ADAMTS13: variants seen among roughly 807,000 people sequenced by gnomAD.
ADAMTS13 encodes ADAM metallopeptidase with thrombospondin type 1 motif 13.
Under a neutral mutation model 155.1 loss-of-function variants are expected in ADAMTS13, and 110 were observed. The observed-to-expected ratio is 0.71, with a 90% CI of 0.61 to 0.83. The LOEUF (loss-of-function observed/expected upper bound fraction) is 0.83, where lower values mean the gene tolerates loss of function less well. Ranked by LOEUF, ADAMTS13 falls within the 40% of genes least tolerant of loss-of-function variation. The pLI, the probability that ADAMTS13 is intolerant of heterozygous loss-of-function variation, is 0.00. For synonymous variants in ADAMTS13, 758 were observed against 756.4 expected, an observed-to-expected ratio of 1.00 and a Z score of -0.03; for missense variants, 1,707 against 1,891.7, an observed-to-expected ratio of 0.90 and a Z score of 1.81.
Position 133,445,365 on chromosome 9 carries a change from G to C in ADAMTS13, c.2610+313G>C, listed in dbSNP as rs1041764352. Among the ~76,000 whole-genome samples, 1 of 152,192 alleles carries C rather than the reference G, an allele frequency of 6.6e-6. No homozygotes were observed. Among genetic ancestry groups the C allele is most frequent in the African/African-American group, 2.4e-5 (1 of 41,458 alleles). The stretch of plus-strand genomic sequence containing the variant: ...CAGGGGCTGGAGGCTGACTGGCCTT[G>C]CTCTCTGGCCTGGGTGCTGGCAACC... On this transcript the variant is annotated intron_variant, in intron 20 of 28. Coordinates refer to ENST00000355699, the MANE Select transcript of ADAMTS13 (RefSeq NM_139027.6). The surrounding 1 kb of genome is among the most constrained non-coding windows in gnomAD (Gnocchi z 5.0).
At chr9:133,433,574 C>T (rs782235831) in intron 10 of ADAMTS13, 45 bp downstream of exon 10, 1 of 1,613,708 alleles carries the variant, frequency 6.2e-7, no homozygotes, top group Non-Finnish European at 8.5e-7. Flanking sequence ...GTGGCCATAC[C>T]ATAGTCCCTA....
At chr9:133,434,158 G>C (rs1030054834) in intron 11 of ADAMTS13, among the ~76,000 whole-genome samples, 1 of 151,856 alleles carries the variant, frequency 6.6e-6, no homozygotes, top group Non-Finnish European at 1.5e-5. Context: ...CATAAACCAG[G>C]CCAGTCCTGC....
At position 133,429,932 on chromosome 9, in the gene ADAMTS13, G is replaced by T; in HGVS notation, c.825-7G>T. ...CTGAGCCGGGCCTGAGCCGGGCCTTGTCGCAGCGCAGGACGGGCGCGCTGC... is the reference window on the plus strand; with the variant it reads ...CTGAGCCGGGCCTGAGCCGGGCCTTTTCGCAGCGCAGGACGGGCGCGCTGC... On this transcript the variant is annotated splice_polypyrimidine_tract_variant and splice_region_variant and intron_variant, in intron 7 of 28. Transcript: ENST00000355699. The T allele has an allele frequency of 1.3e-6, 2 of 1,534,946 alleles. No homozygotes were observed. The highest frequency in any genetic ancestry group is 1.7e-6 in the Non-Finnish European group (2 of 1,145,558).
Position 133,456,112 on chromosome 9 carries a change from C to T in ADAMTS13, c.3444C>T (p.Asp1148=). 6.2e-7 allele frequency: 1 copy of T among 1,613,368 alleles called. No homozygotes were observed. ...RQHLEPTGTI[D]MRGPGQADCA... is the part of the protein sequence containing the mutation. ...ACCTTGAGCCAACAGGAACCATTGA[C>T]ATGCGAGGCCCAGGGCAGGCAGACT... The change falls in exon 26 of 29, where the codon GAC becomes GAT. Residue 1148 remains aspartate (D), a synonymous_variant. Transcript: ENST00000355699. The surrounding 1 kb of genome is among the most constrained non-coding windows in gnomAD (Gnocchi z 4.4).
chr9:133,443,829 G>A (rs961031283), intron 19 of ADAMTS13, among the ~76,000 whole-genome samples: 5 of 152,092 alleles, frequency 3.3e-5, no homozygotes, highest in African/African-American at 1.2e-4. Context: ...GGGGAGGGGG[G>A]GCTTCGAGGA....
intron 1 of ADAMTS13, chr9:133,415,106 T>C: frequency 1.1e-6 from 1 of 911,728 alleles, no homozygotes. Flanking sequence ...TACACACATA[T>C]ACACCAAACA....
At chr9:133,449,648 C>T (rs1376549745) in intron 22 of ADAMTS13, 135 bp from the exon 23 acceptor site, 9 of 994,514 alleles carry the variant, frequency 9.0e-6, no homozygotes, top group African/African-American at 1.6e-5. Context: ...AAGGGGGCCT[C>T]CAGAAAGAGA....
intron 23 of ADAMTS13, 114 bp downstream of exon 23, chr9:133,450,079 C>T (rs1842340108): frequency 7.5e-7 from 1 of 1,332,980 alleles, no homozygotes. Context: ...AGGAGAACCA[C>T]TTGAGTCCAG....
rs187908753 is a variant in ADAMTS13 at position 133,451,883 on chromosome 9, A to T, written c.3044+1918A>T. Among the ~76,000 whole-genome samples, 9 of 127,068 alleles carry T rather than the reference A, an allele frequency of 7.1e-5. No individual in the cohort carries two copies. The Admixed American group carries it at 7.3e-4, about 10-fold the overall frequency. 83.4% of individuals were successfully genotyped at this position (127,068 alleles called of 152,430 possible). A position where few individuals can be genotyped will look rare whatever the true frequency, so the allele number is the denominator to read the frequency against. On this transcript the variant is annotated intron_variant, in intron 23 of 28. Coordinates refer to ENST00000355699, the MANE Select transcript of ADAMTS13 (RefSeq NM_139027.6). ...GCATGCCAGCCTGGGCAACAGCATG[A>T]GACCCTGTCTCAAAAAAAAAAAAAA...
At chr9:133,430,147 G>A (rs367819139) in intron 8 of ADAMTS13, 46 bp downstream of exon 8, 1 of 1,546,738 alleles carries the variant, frequency 6.5e-7, no homozygotes, top group Non-Finnish European at 8.7e-7. Flanking sequence ...AGGTCCCTCC[G>A]CATCACCCAG....
At chr9:133,455,091 G>A (rs1842661076) in intron 24 of ADAMTS13, among the ~76,000 whole-genome samples, 194 bp from the exon 25 acceptor site, 1 of 152,104 alleles carries the variant, frequency 6.6e-6, no homozygotes, top group Admixed American at 6.5e-5. Context: ...CTTGAATTAT[G>A]GCTCCTCCCA....
intron 8 of ADAMTS13, 68 bp downstream of exon 8, chr9:133,430,169 C>G (rs1564414561): frequency 2.0e-6 from 3 of 1,535,832 alleles, no homozygotes; most frequent in East Asian, 2.4e-5. Flanking sequence ...TCACGTCCCC[C>G]AAAACGTGCA....
chr9:133,423,246 C>G, intron 2 of ADAMTS13, 79 bp downstream of exon 2: 3 of 1,384,148 alleles, frequency 2.2e-6, no homozygotes, highest in Non-Finnish European at 3.1e-6. Flanking sequence ...AGTCAGTGGT[C>G]TGGGATTTTT....
At chr9:133,436,060 G>T (rs916279695) in intron 11 of ADAMTS13, among the ~76,000 whole-genome samples, 3 of 143,830 alleles carry the variant, frequency 2.1e-5, no homozygotes, top group South Asian at 2.3e-4. Context: ...CAGGTGATCC[G>T]CCCACCTTAG....
chr9:133,418,218 A>G (rs34973810), upstream of ADAMTS13: 17,824 of 294,202 alleles, frequency 0.061, 712 homozygotes, highest in Non-Finnish European at 0.086. Context: ...GATGGGGATG[A>G]GAGATGCGAA....
At chr9:133,414,631 C>T in exon 1 of ADAMTS13, 1 of 1,601,260 alleles carries the variant, frequency 6.2e-7, no homozygotes, top group Non-Finnish European at 8.6e-7. Context: ...GTCGCTGTGC[C>T]TCGGTTCTCA....
chr9:133,457,543 T>TG (rs1278643029), intron 27 of ADAMTS13, among the ~76,000 whole-genome samples: 2 of 152,102 alleles, frequency 1.3e-5, no homozygotes, highest in Non-Finnish European at 2.9e-5. Context: ...TACAGGCAGG[T>TG]GGGGGCTCCA....
chr9:133,450,943 T>C (rs1173107706), intron 23 of ADAMTS13, among the ~76,000 whole-genome samples: 1 of 152,104 alleles, frequency 6.6e-6, no homozygotes, highest in African/African-American at 2.4e-5. Context: ...CCTAAAGCTG[T>C]GAGCACCAGC....
At chr9:133,416,966 C>A (rs1176445532) in intron 1 of ADAMTS13, among the ~76,000 whole-genome samples, 1 of 152,228 alleles carries the variant, frequency 6.6e-6, no homozygotes, top group Non-Finnish European at 1.5e-5. Context: ...CACTTCTACA[C>A]AGGAATCTTC....
Sources: gnomAD v4.1 joint callset for allele counts (sites outside exome capture counted in the v4.1 genomes callset) on GRCh38, gnomAD v4.1.1 for gene constraint, Gnocchi (gnomAD v3.1) non-coding constraint, MANE v1.5 for transcripts, NCBI Gene and HGNC (gene_info 2026-07-23, HGNC 2026-07-21) for gene names.